DCBLD2: variants seen among roughly 807,000 people sequenced by gnomAD.
DCBLD2 encodes discoidin, CUB and LCCL domain containing 2.
Under a neutral mutation model 86.8 loss-of-function variants are expected in DCBLD2, and 54 were observed. The ratio of observed to expected loss-of-function variants is 0.62; its 90% CI spans 0.50 to 0.78. The LOEUF (loss-of-function observed/expected upper bound fraction) is 0.78, where lower values mean the gene tolerates loss of function less well. Ranked by LOEUF, DCBLD2 falls within the 30% of genes least tolerant of loss-of-function variation. DCBLD2 has a pLI of 0.00. For missense variants in DCBLD2, 908 were observed against 954.2 expected (o/e 0.95, Z 0.64); for synonymous variants, 354 against 341.3 (o/e 1.04, Z -0.41).
At chr3:98,848,417 G>A (rs1028125866) in intron 3 of DCBLD2, among the ~76,000 whole-genome samples, 1 of 152,092 alleles carries the variant, frequency 6.6e-6, no homozygotes, top group African/African-American at 2.4e-5. Context: ...ATTGAATAGC[G>A]GTGCAATGAA....
At chr3:98,875,625 A>G (rs1248914375) in intron 2 of DCBLD2, among the ~76,000 whole-genome samples, 2 of 152,208 alleles carry the variant, frequency 1.3e-5, no homozygotes, top group Non-Finnish European at 2.9e-5. Context: ...CTGAAAGGAG[A>G]CTAAGCCCTA....
At chr3:98,870,811 A>AAGGT (rs1380618128) in intron 2 of DCBLD2, among the ~76,000 whole-genome samples, 3 of 133,402 alleles carry the variant, frequency 2.2e-5, no homozygotes, top group Admixed American at 7.3e-5. Flanking sequence ...GAAAGAAAGA[A>AAGGT]AGGTAGGCAG....
At chr3:98,855,869 C>A (rs1404896929) in intron 2 of DCBLD2, among the ~76,000 whole-genome samples, 1 of 152,210 alleles carries the variant, frequency 6.6e-6, no homozygotes. Flanking sequence ...CAAGCCAACT[C>A]TGTAAAGAGA....
chr3:98,823,990 A>G (rs1942170117), intron 4 of DCBLD2, among the ~76,000 whole-genome samples: 1 of 152,134 alleles, frequency 6.6e-6, no homozygotes, highest in Admixed American at 6.5e-5. Context: ...TGGGAAATGC[A>G]CATTAGTCAG....
At chr3:98,884,614 A>AATAT (rs1275314310) in intron 1 of DCBLD2, among the ~76,000 whole-genome samples, 1 of 152,142 alleles carries the variant, frequency 6.6e-6, no homozygotes, top group East Asian at 1.9e-4. Context: ...CTAACATTAT[A>AATAT]AAACTAGTCT....
At chr3:98,896,418 A>T (rs944431512) in intron 1 of DCBLD2, among the ~76,000 whole-genome samples, 1 of 152,244 alleles carries the variant, frequency 6.6e-6, no homozygotes, top group Non-Finnish European at 1.5e-5. Flanking sequence ...TGAACAATAC[A>T]GTAATTACTT....
chr3:98,887,881 G>A (rs1943589648), intron 1 of DCBLD2, among the ~76,000 whole-genome samples: 1 of 151,882 alleles, frequency 6.6e-6, no homozygotes, highest in South Asian at 2.1e-4. Flanking sequence ...TTCACTCCTG[G>A]TGTACATTCT....
Position 98,866,822 on chromosome 3 carries a change from G to C in DCBLD2, c.433+14718C>G, listed in dbSNP as rs146800101. The stretch of plus-strand genomic sequence containing the variant: ...ATGGTACTGCCTAGGTTTTCTTCTA[G>C]GGTTTTTATGGTTTTAGGTCTAACA... On this transcript the variant is annotated intron_variant, in intron 2 of 15. Coordinates refer to ENST00000326840, the MANE Select transcript of DCBLD2 (RefSeq NM_080927.4). Among the ~76,000 whole-genome samples the C allele has an allele frequency of 2.4e-3, 373 of 152,306 alleles. 7 individuals are homozygous for C. The highest frequency in any genetic ancestry group is 8.8e-3 in the African/African-American group (364 of 41,576).
chr3:98,896,846 T>C (rs1408286323), intron 1 of DCBLD2, among the ~76,000 whole-genome samples: 1 of 152,154 alleles, frequency 6.6e-6, no homozygotes, highest in East Asian at 1.9e-4. Flanking sequence ...TTATGAAGCT[T>C]TTCCTCATCC....
chr3:98,860,964 T>C (rs1489328906), intron 2 of DCBLD2, among the ~76,000 whole-genome samples: 2 of 152,244 alleles, frequency 1.3e-5, no homozygotes, highest in Non-Finnish European at 2.9e-5. Context: ...ATCAGTGTGC[T>C]GTATTCAGGA....
At chr3:98,886,698 T>C (rs910532848) in intron 1 of DCBLD2, among the ~76,000 whole-genome samples, 3 of 151,984 alleles carry the variant, frequency 2.0e-5, no homozygotes, top group Non-Finnish European at 4.4e-5. Flanking sequence ...TGGCTGCACA[T>C]TTATCTAGGG....
chr3:98,870,436 T>C (rs1401288905), intron 2 of DCBLD2, among the ~76,000 whole-genome samples: 1 of 152,136 alleles, frequency 6.6e-6, no homozygotes, highest in Non-Finnish European at 1.5e-5. Flanking sequence ...TTTTTGGTTT[T>C]ATTTGAATTT....
At chr3:98,889,951 G>A (rs1014559585) in intron 1 of DCBLD2, among the ~76,000 whole-genome samples, 1 of 151,876 alleles carries the variant, frequency 6.6e-6, no homozygotes, top group Non-Finnish European at 1.5e-5. Flanking sequence ...TCTACATGGT[G>A]TCCCCTCACC....
chr3:98,896,617 A>G (rs1042705725), intron 1 of DCBLD2, among the ~76,000 whole-genome samples: 1 of 152,256 alleles, frequency 6.6e-6, no homozygotes, highest in African/African-American at 2.4e-5. Context: ...GTTAAAAATT[A>G]TAAGTCGATG....
In DCBLD2 at chr3:98,800,564, C is replaced by T; in HGVS notation, c.1858+15G>A. ...TCTCCCTCTGCCTGGTACCAGAAGG[C>T]TGCAACATAGTTACCTGCAGAGTCA... On this transcript the variant is annotated intron_variant, in intron 15 of 15. Coordinates refer to ENST00000326840, the MANE Select transcript of DCBLD2 (RefSeq NM_080927.4). The T allele has an allele frequency of 1.2e-6, 2 of 1,608,166 alleles. No individual in the cohort carries two copies. The highest frequency in any genetic ancestry group is 1.1e-5 in the South Asian group (1 of 89,904).
chr3:98,831,180 C>T (rs937110595), intron 3 of DCBLD2, among the ~76,000 whole-genome samples: 5 of 150,808 alleles, frequency 3.3e-5, no homozygotes, highest in African/African-American at 4.9e-5. Context: ...GCTGGGATTA[C>T]AGGCACATGC....
chr3:98,878,428 G>C (rs754286155), intron 2 of DCBLD2, among the ~76,000 whole-genome samples: 6 of 152,062 alleles, frequency 3.9e-5, no homozygotes, highest in Non-Finnish European at 7.4e-5. Flanking sequence ...GAAACACAGA[G>C]AGACCAATGA....
At chr3:98,869,256 G>A (rs1162510735) in intron 2 of DCBLD2, among the ~76,000 whole-genome samples, 2 of 152,100 alleles carry the variant, frequency 1.3e-5, no homozygotes, top group Non-Finnish European at 2.9e-5. Context: ...ATCTTCTTTT[G>A]AGAAATGTCT....
intron 2 of DCBLD2, among the ~76,000 whole-genome samples, chr3:98,854,146 G>C (rs1473415113): frequency 6.6e-6 from 1 of 152,196 alleles, no homozygotes; most frequent in Non-Finnish European, 1.5e-5. Flanking sequence ...GATGCCCTCA[G>C]AAAGCTTAGT....
Sources: gnomAD v4.1 joint callset for allele counts (sites outside exome capture counted in the v4.1 genomes callset) on GRCh38, gnomAD v4.1.1 for gene constraint, MANE v1.5 for transcripts, NCBI Gene and HGNC (gene_info 2026-07-23, HGNC 2026-07-21) for gene names.